ESRRG: variants seen among roughly 807,000 people sequenced by gnomAD.
ESRRG encodes estrogen-related receptor gamma.
A neutral mutation model predicts 44.0 loss-of-function variants in ESRRG; 13 were observed. The observed-to-expected ratio is 0.30, with a 90% confidence interval of 0.19 to 0.47. The LOEUF (loss-of-function observed/expected upper bound fraction) is 0.47, where lower values mean the gene tolerates loss of function less well. Ranked by LOEUF, ESRRG falls within the 20% of genes least tolerant of loss-of-function variation. The pLI, the probability that ESRRG is intolerant of heterozygous loss-of-function variation, is 1.00. For missense variants in ESRRG, 395 were observed against 580.6 expected, an observed-to-expected ratio of 0.68 and a Z score of 3.29; for synonymous variants, 215 against 214.6, an observed-to-expected ratio of 1.00 and a Z score of -0.02.
intron 1 of ESRRG, among the ~76,000 whole-genome samples, chr1:216,706,774 T>A (rs1009529036): frequency 6.6e-6 from 1 of 152,208 alleles, no homozygotes; most frequent in Non-Finnish European, 1.5e-5. Context: ...AATATAAATC[T>A]TATTACCTAA....
At chr1:216,692,728 C>T (rs1352605320) in intron 1 of ESRRG, among the ~76,000 whole-genome samples, 2 of 152,140 alleles carry the variant, frequency 1.3e-5, no homozygotes, top group Non-Finnish European at 2.9e-5. Flanking sequence ...GCTCAGTGTC[C>T]TCTAAAAGTG....
At chr1:216,871,146 C>T (rs1577459846) in intron 2 of ESRRG, among the ~76,000 whole-genome samples, 1 of 151,960 alleles carries the variant, frequency 6.6e-6, no homozygotes, top group Non-Finnish European at 1.5e-5. Flanking sequence ...CCTGTAAGCA[C>T]TGCTTTAGCT....
chr1:216,530,824 T>C (rs914079189), intron 5 of ESRRG, among the ~76,000 whole-genome samples: 7 of 152,102 alleles, frequency 4.6e-5, no homozygotes, highest in African/African-American at 1.7e-4. Flanking sequence ...GATATAGAAA[T>C]ACAAATTCCA....
At chr1:216,920,261 C>T (rs559610123) in intron 2 of ESRRG, among the ~76,000 whole-genome samples, 1 of 152,142 alleles carries the variant, frequency 6.6e-6, no homozygotes, top group South Asian at 2.1e-4. Flanking sequence ...GGTATGGACT[C>T]CAGTCAGGGA....
chr1:216,623,371 C>T (rs757655547), intron 3 of ESRRG, among the ~76,000 whole-genome samples: 59 of 152,152 alleles, frequency 3.9e-4, no homozygotes, highest in Non-Finnish European at 8.1e-4. Flanking sequence ...ATACTGCTTG[C>T]AGCATTATAT....
chr1:216,855,412 G>A (rs2095913333), intron 2 of ESRRG, among the ~76,000 whole-genome samples: 1 of 147,850 alleles, frequency 6.8e-6, no homozygotes, highest in South Asian at 2.2e-4. Flanking sequence ...TCATTTAATT[G>A]TTAGAAAAAA....
At chr1:216,695,665 C>T (rs1413093790) in intron 1 of ESRRG, among the ~76,000 whole-genome samples, 17 of 152,268 alleles carry the variant, frequency 1.1e-4, no homozygotes. Flanking sequence ...CAAAGCATCA[C>T]ATCAAATAAA....
At chr1:216,712,393 T>G (rs913540287) in intron 1 of ESRRG, among the ~76,000 whole-genome samples, 1 of 152,220 alleles carries the variant, frequency 6.6e-6, no homozygotes, top group African/African-American at 2.4e-5. Context: ...GATAATTTTT[T>G]TTCCAGCGAC....
intron 1 of ESRRG, among the ~76,000 whole-genome samples, chr1:217,051,008 G>A (rs1190450666): frequency 6.6e-6 from 1 of 151,978 alleles, no homozygotes; most frequent in Non-Finnish European, 1.5e-5. Context: ...GGTGGAAAGA[G>A]GAATCTTTTT....
intron 1 of ESRRG, among the ~76,000 whole-genome samples, chr1:216,944,655 C>T (rs980831257): frequency 3.3e-5 from 5 of 152,090 alleles, no homozygotes; most frequent in African/African-American, 1.2e-4. Flanking sequence ...AAAGGGAAGT[C>T]CTGTAAGGCA....
chr1:216,716,864 G>A (rs1219433262), intron 1 of ESRRG, among the ~76,000 whole-genome samples: 1 of 151,736 alleles, frequency 6.6e-6, no homozygotes, highest in African/African-American at 2.4e-5. Context: ...AGTGTTGCGT[G>A]GTTTATAGCT....
intron 1 of ESRRG, among the ~76,000 whole-genome samples, chr1:216,693,679 A>T (rs551614985): frequency 6.6e-6 from 1 of 152,304 alleles, no homozygotes; most frequent in South Asian, 2.1e-4. Flanking sequence ...AATGGCAATT[A>T]AAAAGTCTGT....
chr1:216,914,540 A>T (rs1203373196), intron 2 of ESRRG, among the ~76,000 whole-genome samples: 3 of 152,344 alleles, frequency 2.0e-5, no homozygotes, highest in East Asian at 3.9e-4. Context: ...CAGTATGAAA[A>T]AAAAGACTTT....
intron 2 of ESRRG, among the ~76,000 whole-genome samples, chr1:216,916,051 T>C (rs1420385190): frequency 6.6e-6 from 1 of 152,190 alleles, no homozygotes; most frequent in Non-Finnish European, 1.5e-5. Context: ...TGTGTGTACA[T>C]GTGCCCACCC....
intron 2 of ESRRG, among the ~76,000 whole-genome samples, chr1:216,780,707 G>A (rs1238375188): frequency 1.3e-5 from 2 of 151,992 alleles, no homozygotes; most frequent in Non-Finnish European, 1.5e-5. Context: ...GGTTCCTACA[G>A]ATGAGAAAAC....
rs1560083326 is a variant in ESRRG, at chr1:216,912,183, A to AAGAAAAGAAGAGGAG, written c.-14+27398_-14+27399insCTCCTCTTCTTTTCT. Among the ~76,000 whole-genome samples the AAGAAAAGAAGAGGAG allele has an allele frequency of 2.1e-3, 45 of 21,152 alleles. 3 individuals are homozygous for AAGAAAAGAAGAGGAG. The highest frequency in any genetic ancestry group is 0.11 in the Middle Eastern group (2 of 18). 13.9% of individuals were successfully genotyped at this position (21,152 alleles called of 152,430 possible). ...AAGAAAAGAAAAGAAAAGAAAAGAA[A>AAGAAAAGAAGAGGAG]AGGAGAGGAGAGGAGAGGAGAGGAG... On this transcript the variant is annotated intron_variant, in intron 2 of 7. Coordinates refer to the ESRRG transcript ENST00000359162.
chr1:216,762,711 A>AAAATAAATAAATAAAT (rs768532140), intron 2 of ESRRG, among the ~76,000 whole-genome samples: 51 of 151,648 alleles, frequency 3.4e-4, no homozygotes, highest in African/African-American at 9.2e-4. Context: ...ATAATAATAA[A>AAAATAAATAAATAAAT]AAATAAATAA....
At chr1:217,011,712 G>A (rs2078649800) in intron 1 of ESRRG, among the ~76,000 whole-genome samples, 1 of 152,076 alleles carries the variant, frequency 6.6e-6, no homozygotes, top group Admixed American at 6.5e-5. Flanking sequence ...CTCATATCTA[G>A]TTCCTAATCT....
intron 1 of ESRRG, among the ~76,000 whole-genome samples, chr1:216,684,031 C>T (rs1028835552): frequency 6.6e-6 from 1 of 152,096 alleles, no homozygotes; most frequent in African/African-American, 2.4e-5. Flanking sequence ...AATGGAGGCC[C>T]AGAAATATGG....
Sources: allele counts gnomAD v4.1 joint callset (sites outside exome capture counted in the v4.1 genomes callset), GRCh38; gene constraint gnomAD v4.1.1; transcripts MANE v1.5; gene names NCBI Gene and HGNC (gene_info 2026-07-23, HGNC 2026-07-21).